Variants in TRAK2 observed in about 807,000 individuals in gnomAD.
TRAK2 encodes the protein trafficking kinesin protein 2.
A neutral mutation model predicts 104.6 loss-of-function variants in TRAK2; 81 were observed. That is an observed-to-expected ratio of 0.77 (90% CI 0.65 to 0.93). The LOEUF (loss-of-function observed/expected upper bound fraction) is 0.93. Ranked by LOEUF, TRAK2 falls within the 40% of genes least tolerant of loss-of-function variation. The probability of loss-of-function intolerance (pLI) is 0.00; values close to 1 mark genes in which losing one functional copy is unlikely to be tolerated. For missense variants in TRAK2, 1,002 were observed against 1,089.0 expected (o/e 0.92, Z 1.12); for synonymous variants, 406 against 394.4 (o/e 1.03, Z -0.35).
chr2:201,407,435 G>A lies in TRAK2; in HGVS notation c.254C>T (p.Pro85Leu), dbSNP rs745445713. ...QRQHASDALS[P>L]VLAEETFRYM... ...ACGGAAAGTCTCTTCAGCAAGGACT[G>A]GAGAGAGAGCATCAGATGCATGCTG... Residue 85 changes from proline to leucine, a missense_variant, in exon 3 of 16, where the codon CCA (proline) becomes CTA (leucine). Transcript: ENST00000332624. 5 of 1,614,054 alleles carry A rather than the reference G, an allele frequency of 3.1e-6. No homozygotes were observed. The highest frequency in any genetic ancestry group is 4.2e-6 in the Non-Finnish European group (5 of 1,179,940).
chr2:201,412,195 C>G, intron 2 of TRAK2: 10 of 974,356 alleles, frequency 1.0e-5, no homozygotes, highest in Non-Finnish European at 1.3e-5. Flanking sequence ...ATTCTGAAGT[C>G]AAATCAAAAT....
At chr2:201,389,233 G>A in intron 12 of TRAK2, 67 bp downstream of exon 12, 1 of 1,422,706 alleles carries the variant, frequency 7.0e-7, no homozygotes, top group Non-Finnish European at 9.9e-7. Flanking sequence ...GCTGGAATGT[G>A]CGTATGTGAA....
Position 201,443,972 on chromosome 2 carries a change from G to A in TRAK2, c.-200+7378C>T, listed in dbSNP as rs190220331. Among the ~76,000 whole-genome samples the A allele has an allele frequency of 4.9e-3, 747 of 152,208 alleles. 3 individuals are homozygous for A. Among genetic ancestry groups the A allele is most frequent in the Non-Finnish European group, 7.9e-3 (535 of 68,002 alleles). On this transcript the variant is annotated intron_variant, in intron 1 of 15. Coordinates refer to ENST00000332624, the MANE Select transcript of TRAK2 (RefSeq NM_015049.3). Reference sequence around the variant, plus strand: ...TCCCAGCACTTTGGGAGGCCAAGGTGGGCAGATCACTTGAGTTCAGGAGTT... The same window carrying A: ...TCCCAGCACTTTGGGAGGCCAAGGTAGGCAGATCACTTGAGTTCAGGAGTT...
At chr2:201,422,049 C>CAA (rs71022367) in intron 1 of TRAK2, among the ~76,000 whole-genome samples, 8 of 91,064 alleles carry the variant, frequency 8.8e-5, no homozygotes, top group East Asian at 6.4e-4. Flanking sequence ...GACTCTGTCT[C>CAA]AAAAAAAAAA....
chr2:201,434,925 T>C (rs1951870430), intron 1 of TRAK2, among the ~76,000 whole-genome samples: 1 of 152,218 alleles, frequency 6.6e-6, no homozygotes, highest in Non-Finnish European at 1.5e-5. Context: ...CAAATTATTA[T>C]TTGCCAGTCA....
chr2:201,417,604 G>A (rs918022857), intron 2 of TRAK2, among the ~76,000 whole-genome samples: 1 of 152,096 alleles, frequency 6.6e-6, no homozygotes, highest in Non-Finnish European at 1.5e-5. Context: ...TTAATATAGG[G>A]TATTGTCAAG....
rs1188790330 is a variant in TRAK2, at chr2:201,399,458, T to A, written c.399A>T (p.Gly133=). ...CATGGTTCCGCTTTAAGAGAGCTTG[T>A]CCAATTCGAGCAGCGAGTTCCAGAT... ...DRDLELAARI[G]QALLKRNHVL... Residue 133 remains glycine, a synonymous_variant, in exon 5 of 16, where the codon GGA becomes GGT. Transcript: ENST00000332624. 7 of 1,612,804 alleles carry A rather than the reference T, an allele frequency of 4.3e-6. No individual in the cohort carries two copies. The highest frequency in any genetic ancestry group is 5.9e-6 in the Non-Finnish European group (7 of 1,179,008).
At chr2:201,442,024 C>G (rs988714330) in intron 1 of TRAK2, among the ~76,000 whole-genome samples, 2 of 151,696 alleles carry the variant, frequency 1.3e-5, no homozygotes, top group African/African-American at 4.8e-5. Flanking sequence ...AACAAACTTC[C>G]TTTTGTTTCA....
At chr2:201,417,344 C>T (rs1433295729) in intron 2 of TRAK2, among the ~76,000 whole-genome samples, 1 of 150,852 alleles carries the variant, frequency 6.6e-6, no homozygotes, top group African/African-American at 2.4e-5. Flanking sequence ...CATATACACA[C>T]ACTCCCTAAC....
chr2:201,390,002 G>A, intron 10 of TRAK2, 122 bp from the exon 11 acceptor site: 8 of 625,906 alleles, frequency 1.3e-5, no homozygotes, highest in South Asian at 2.8e-5. Flanking sequence ...TAACATTCAG[G>A]GGAAAAAAGA....
Position 201,395,388 on chromosome 2 carries a change from C to T in TRAK2, c.826G>A (p.Glu276Lys). 1 of 1,598,484 alleles carries T rather than the reference C, an allele frequency of 6.3e-7. No individual in the cohort carries two copies. Among genetic ancestry groups the T allele is most frequent in the Non-Finnish European group, 8.6e-7 (1 of 1,168,748 alleles). Reference sequence around the variant, plus strand: ...AGCTCTTCTTGGTATCGAATCAGCTCATCACTCTTCCCTGACAATTCTTCA... The same window carrying T: ...AGCTCTTCTTGGTATCGAATCAGCTTATCACTCTTCCCTGACAATTCTTCA... ...MTEELSGKSDELIRYQEELSS... is the reference protein window; with the variant it reads ...MTEELSGKSDKLIRYQEELSS... Residue 276 changes from glutamate (E) to lysine (K), a missense_variant, in exon 8 of 16, where the codon GAG (glutamate) becomes AAG (lysine). Transcript: ENST00000332624.
chr2:201,389,585 G>T, intron 11 of TRAK2, 82 bp from the exon 12 acceptor site: 1 of 1,359,580 alleles, frequency 7.4e-7, no homozygotes. Context: ...CAGTCCATCA[G>T]AAATAAAGCC....
chr2:201,399,144 G>A (rs1338888192), intron 5 of TRAK2, among the ~76,000 whole-genome samples: 1 of 151,986 alleles, frequency 6.6e-6, no homozygotes, highest in Non-Finnish European at 1.5e-5. Context: ...GGTGCCACAG[G>A]TATTACAGAT....
At chr2:201,442,466 G>T (rs986941294) in intron 1 of TRAK2, among the ~76,000 whole-genome samples, 1 of 151,758 alleles carries the variant, frequency 6.6e-6, no homozygotes, top group African/African-American at 2.4e-5. Flanking sequence ...CAAAAATGAT[G>T]AATTTTTGAG....
At chr2:201,410,147 A>C (rs924030511) in intron 2 of TRAK2, among the ~76,000 whole-genome samples, 7 of 152,086 alleles carry the variant, frequency 4.6e-5, no homozygotes, top group African/African-American at 1.7e-4. Context: ...AACACACACA[A>C]AAAAATTAGC....
At chr2:201,424,462 A>G (rs532842304) in intron 1 of TRAK2, among the ~76,000 whole-genome samples, 2 of 152,326 alleles carry the variant, frequency 1.3e-5, no homozygotes, top group South Asian at 4.1e-4. Flanking sequence ...GTGAATGATC[A>G]GCAAATCATG....
chr2:201,436,124 C>A (rs890482337), intron 1 of TRAK2, among the ~76,000 whole-genome samples: 11 of 151,776 alleles, frequency 7.2e-5, no homozygotes, highest in Admixed American at 2.0e-4. Flanking sequence ...AAATTATGTC[C>A]TTTTGACTAA....
chr2:201,385,434 C>G (rs1332324408), intron 14 of TRAK2, among the ~76,000 whole-genome samples: 1 of 152,000 alleles, frequency 6.6e-6, no homozygotes, highest in African/African-American at 2.4e-5. Context: ...CCTCGATCTC[C>G]CAAAGTGCTG....
chr2:201,389,306 A>G lies in TRAK2; in HGVS notation c.1391T>C (p.Val464Ala). ...GTTATCATCGGATTCCTACCCTGCA[A>G]CCTCCTCTGAGCTGCTCCCCTGGTT... ...LLNQGSSSEE[V>A]AGSSQKMGQP... The change falls in exon 12 of 16, where the codon GTT (valine) becomes GCT (alanine). Residue 464 changes from valine to alanine, a missense_variant. Coordinates refer to ENST00000332624, the MANE Select transcript of TRAK2 (RefSeq NM_015049.3). 1 of 1,614,074 alleles carries G rather than the reference A, an allele frequency of 6.2e-7. No individual in the cohort carries two copies. Among genetic ancestry groups the G allele is most frequent in the South Asian group, 1.1e-5 (1 of 91,082 alleles).
Sources: allele counts gnomAD v4.1 joint callset (sites outside exome capture counted in the v4.1 genomes callset), GRCh38; gene constraint gnomAD v4.1.1; transcripts MANE v1.5; gene names NCBI Gene and HGNC (gene_info 2026-07-23, HGNC 2026-07-21).